MAP2K4: variants seen among roughly 807,000 people sequenced by gnomAD.
The protein encoded by MAP2K4 is mitogen-activated protein kinase kinase 4.
MAP2K4 carries 4 observed loss-of-function variants against 48.5 expected under a neutral mutation model. That is an observed-to-expected ratio of 0.08 (90% CI 0.04 to 0.19). The LOEUF is 0.19. Ranked by LOEUF, MAP2K4 falls within the 10% of genes least tolerant of loss-of-function variation. The pLI is 1.00. For synonymous variants in MAP2K4, 166 were observed against 173.1 expected, an observed-to-expected ratio of 0.96 and a Z score of 0.32; for missense variants, 258 against 493.3, an observed-to-expected ratio of 0.52 and a Z score of 4.52.
chr17:12,043,503 T>C (rs935665812), intron 1 of MAP2K4, among the ~76,000 whole-genome samples: 1 of 152,082 alleles, frequency 6.6e-6, no homozygotes, highest in South Asian at 2.1e-4. Flanking sequence ...ATGGGGTGTT[T>C]AGGATACTCA....
rs1485726866 is a variant in MAP2K4, at chr17:12,042,187, AAAAG to A, written c.116-12701_116-12698del. Among the ~76,000 whole-genome samples the A allele has an allele frequency of 9.1e-3, 1,382 of 151,076 alleles. 22 individuals carry two copies. Among genetic ancestry groups the A allele is most frequent in the African/African-American group, 0.031 (1,282 of 41,010 alleles). On this transcript the variant is annotated intron_variant, in intron 1 of 10. Coordinates refer to ENST00000353533, the MANE Select transcript of MAP2K4 (RefSeq NM_003010.4). The stretch of plus-strand genomic sequence containing the variant: ...TGTCTCAAAAAAAAAAAAAAAAAAA[AAAAG>A]GTACCATGTAGTAGTAACAGGTTAT...
chr17:12,043,193 C>T (rs144529221), intron 1 of MAP2K4, among the ~76,000 whole-genome samples: 1 of 152,194 alleles, frequency 6.6e-6, no homozygotes, highest in South Asian at 2.1e-4. Flanking sequence ...TAAACCATAT[C>T]TTCCTACTTT....
At chr17:12,093,727 A>G (rs184093475) in intron 3 of MAP2K4, among the ~76,000 whole-genome samples, 1 of 152,266 alleles carries the variant, frequency 6.6e-6, no homozygotes, top group East Asian at 1.9e-4. Flanking sequence ...TTCCCCAACC[A>G]AAGGGTTATT....
rs56309746 is a variant in MAP2K4, at chr17:12,069,890, CATATATATATATAT to C, written c.219-11417_219-11404del. 229 of 182,898 alleles carry C rather than the reference CATATATATATATAT, an allele frequency of 1.3e-3. 1 individual carries two copies. Among genetic ancestry groups the C allele is most frequent in the African/African-American group, 3.3e-3 (43 of 13,050 alleles). 11.3% of individuals were successfully genotyped at this position (182,898 alleles called of 1,614,324 possible). A position where few individuals can be genotyped will look rare whatever the true frequency, so the allele number is the denominator to read the frequency against. ...ATTTTCCTGTCTAAGGAAGATTAGT[CATATATATATATAT>C]ATATATATATATATATATATATATA... is the stretch of plus-strand genomic sequence containing the variant. On this transcript the variant is annotated intron_variant, in intron 2 of 10. Transcript: ENST00000353533.
At chr17:12,130,275 TTCAGA>T (rs1972981569) in intron 9 of MAP2K4, among the ~76,000 whole-genome samples, 5 of 152,174 alleles carry the variant, frequency 3.3e-5, no homozygotes, top group Admixed American at 3.3e-4. Flanking sequence ...GTGTTGGTTT[TTCAGA>T]GGGGAGAGGA....
chr17:12,124,275 A>G (rs1047632962), intron 7 of MAP2K4: 10 of 152,204 alleles, frequency 6.6e-5, no homozygotes, highest in African/African-American at 2.4e-4. Flanking sequence ...CTCTGTGCCA[A>G]CAGGACCCTC....
intron 2 of MAP2K4, among the ~76,000 whole-genome samples, chr17:12,057,133 C>T (rs1390424049): frequency 6.6e-6 from 1 of 151,732 alleles, no homozygotes; most frequent in Non-Finnish European, 1.5e-5. Context: ...TTTCTGAGAA[C>T]CAACAGTTTA....
chr17:12,035,908 G>A (rs1969579931), intron 1 of MAP2K4, among the ~76,000 whole-genome samples: 1 of 152,016 alleles, frequency 6.6e-6, no homozygotes, highest in Non-Finnish European at 1.5e-5. Flanking sequence ...TCTTTATATT[G>A]CTATGTCACT....
intron 8 of MAP2K4, among the ~76,000 whole-genome samples, chr17:12,128,890 GT>G (rs1225044653): frequency 6.6e-6 from 1 of 152,182 alleles, no homozygotes; most frequent in Non-Finnish European, 1.5e-5. Context: ...CTAGGCTTAA[GT>G]TTTGTGTTCC....
chr17:12,107,853 T>A lies in MAP2K4; in HGVS notation c.577T>A (p.Tyr193Asn), dbSNP rs2151573099. The A allele has an allele frequency of 6.2e-7, 1 of 1,605,078 alleles. No individual in the cohort carries two copies. Among genetic ancestry groups the A allele is most frequent in the Non-Finnish European group, 8.5e-7 (1 of 1,175,532 alleles). ...GTTTGATAAGTTTTACAAATATGTA[T>A]ATAGTGTATTAGATGATGTTATTCC... ...TSFDKFYKYV[Y>N]SVLDDVIPEE... Residue 193 changes from tyrosine (Y) to asparagine (N), a missense_variant, in exon 5 of 11, where the codon TAT (tyrosine) becomes AAT (asparagine). Tyr to Asn is a moderately radical substitution (Grantham distance 143, BLOSUM62 -2). Coordinates refer to ENST00000353533, the MANE Select transcript of MAP2K4 (RefSeq NM_003010.4).
chr17:12,037,465 T>G (rs532860373), intron 1 of MAP2K4, among the ~76,000 whole-genome samples: 3 of 152,054 alleles, frequency 2.0e-5, no homozygotes, highest in Non-Finnish European at 4.4e-5. Flanking sequence ...CTTAGAAAAT[T>G]CAGCTGGTTA....
At chr17:12,101,108 T>A (rs1971922881) in intron 4 of MAP2K4, among the ~76,000 whole-genome samples, 1 of 152,128 alleles carries the variant, frequency 6.6e-6, no homozygotes, top group South Asian at 2.1e-4. Context: ...GCTTTTGATG[T>A]TGTGTATAAG....
intron 7 of MAP2K4, chr17:12,115,489 A>T: frequency 1.7e-6 from 1 of 589,662 alleles, no homozygotes; most frequent in Non-Finnish European, 3.2e-6. Context: ...GTCTAAATAT[A>T]GAAAAGGTAC....
rs561585717 is a variant in MAP2K4 at position 12,046,411 on chromosome 17, G to A, written c.116-8478G>A. ...AAATTTAGCAACATTTTAAACTACAGTAGGGCCTTCTTTGATTAGCTGGCT... is the reference window on the plus strand; with the variant it reads ...AAATTTAGCAACATTTTAAACTACAATAGGGCCTTCTTTGATTAGCTGGCT... On this transcript the variant is annotated intron_variant, in intron 1 of 10. Coordinates refer to ENST00000353533, the MANE Select transcript of MAP2K4 (RefSeq NM_003010.4). Among the ~76,000 whole-genome samples the A allele has an allele frequency of 2.8e-3, 433 of 152,288 alleles. 2 individuals carry two copies. Among genetic ancestry groups the A allele is most frequent in the African/African-American group, 9.7e-3 (403 of 41,564 alleles).
intron 4 of MAP2K4, among the ~76,000 whole-genome samples, chr17:12,098,268 A>G (rs934128209): frequency 1.7e-4 from 26 of 152,220 alleles, no homozygotes; most frequent in African/African-American, 6.0e-4. Flanking sequence ...TCACGAGGTC[A>G]GGAGCCCGAG....
intron 1 of MAP2K4, among the ~76,000 whole-genome samples, chr17:12,040,552 A>G (rs552097671): frequency 2.2e-4 from 33 of 152,316 alleles, no homozygotes; most frequent in African/African-American, 7.7e-4. Flanking sequence ...TCTCTGGTGA[A>G]GTTGAGGAGC....
chr17:12,049,815 G>A (rs1263629276), intron 1 of MAP2K4, among the ~76,000 whole-genome samples: 1 of 152,192 alleles, frequency 6.6e-6, no homozygotes, highest in African/African-American at 2.4e-5. Context: ...GGAGCAGCAA[G>A]GTCCCTTTGC....
chr17:12,109,355 A>G (rs1972231286), intron 5 of MAP2K4, among the ~76,000 whole-genome samples: 1 of 152,190 alleles, frequency 6.6e-6, no homozygotes, highest in Non-Finnish European at 1.5e-5. Context: ...TATATATATT[A>G]AGCACACATG....
intron 6 of MAP2K4, 103 bp downstream of exon 6, chr17:12,110,529 A>G: frequency 2.4e-6 from 2 of 817,338 alleles, no homozygotes; most frequent in South Asian, 1.7e-5. Flanking sequence ...ACTTTCCTAA[A>G]ATATTTGTAT....
Sources: gnomAD v4.1 joint callset for allele counts (sites outside exome capture counted in the v4.1 genomes callset) on GRCh38, gnomAD v4.1.1 for gene constraint, MANE v1.5 for transcripts, NCBI Gene and HGNC (gene_info 2026-07-23, HGNC 2026-07-21) for gene names.